The following TTC28 variants were observed in gnomAD, a reference collection of about 807,000 sequenced individuals.
TTC28 encodes the protein tetratricopeptide repeat domain 28, also known as tetratricopeptide repeat protein 28.
TTC28 carries 61 observed loss-of-function variants against 198.0 expected under a neutral mutation model. That is an observed-to-expected ratio of 0.31 (90% CI 0.25 to 0.38). TTC28 has a LOEUF of 0.38. TTC28 is among the 10% of genes least tolerant of loss of function. The probability of loss-of-function intolerance (pLI) is 1.00; values close to 1 mark genes in which losing one functional copy is unlikely to be tolerated. For missense variants in TTC28, 2,678 were observed against 3,164.0 expected, an observed-to-expected ratio of 0.85 and a Z score of 3.69; for synonymous variants, 1,171 against 1,297.8, an observed-to-expected ratio of 0.90 and a Z score of 2.10.
chr22:28,027,105 A>AAC (rs1472907423), intron 13 of TTC28, among the ~76,000 whole-genome samples: 1 of 151,826 alleles, frequency 6.6e-6, no homozygotes, highest in African/African-American at 2.4e-5. Context: ...ACCACACACA[A>AAC]ACACACACAC....
chr22:28,066,155 A>G (rs1253150792), intron 12 of TTC28, among the ~76,000 whole-genome samples: 2 of 152,238 alleles, frequency 1.3e-5, no homozygotes, highest in East Asian at 3.9e-4. Context: ...GGCATAATTA[A>G]CAAATAAAAA....
At chr22:28,369,543 C>T (rs911817297) in intron 2 of TTC28, among the ~76,000 whole-genome samples, 7 of 152,180 alleles carry the variant, frequency 4.6e-5, no homozygotes, top group Non-Finnish European at 1.5e-5. Context: ...TTCATACAAT[C>T]CACGTACTTC....
intron 2 of TTC28, among the ~76,000 whole-genome samples, chr22:28,483,887 TG>T (rs1352506764): frequency 1.3e-5 from 2 of 152,238 alleles, no homozygotes; most frequent in African/African-American, 4.8e-5. Context: ...TTACTTCCTC[TG>T]GATCTCAAAG....
At position 28,089,397 on chromosome 22, in the gene TTC28, A is replaced by C. The variant is rs528543166; in HGVS notation, c.3932+4683T>G. ...GATGAAATTGGAAATCATCATTCTC[A>C]GTAAACTATCGCAAGAACAAGAAAG... is the stretch of plus-strand genomic sequence containing the variant. On this transcript the variant is annotated intron_variant, in intron 12 of 22. Transcript: ENST00000397906. Among the ~76,000 whole-genome samples the C allele has an allele frequency of 9.2e-5, 14 of 151,944 alleles. 1 individual carries two copies. The highest frequency in any genetic ancestry group is 3.4e-4 in the African/African-American group (14 of 41,428).
chr22:28,412,582 T>C (rs1217304729), intron 2 of TTC28, among the ~76,000 whole-genome samples: 2 of 152,244 alleles, frequency 1.3e-5, no homozygotes, highest in African/African-American at 4.8e-5. Flanking sequence ...CTACCAGATA[T>C]GCCAGGTGTT....
Position 28,008,759 on chromosome 22 carries a change from G to A in TTC28, c.4218+5489C>T, listed in dbSNP as rs528709995. Among the ~76,000 whole-genome samples the A allele has an allele frequency of 3.2e-4, 48 of 152,276 alleles. 1 individual carries two copies. In the South Asian group the frequency reaches 9.1e-3, roughly 29 times the overall value. Reference sequence around the variant, plus strand: ...AGGGCCCAACTGAAAACTGAGGGGTGATTTGGGATCTGAGTGGACGAGTGG... The same window carrying A: ...AGGGCCCAACTGAAAACTGAGGGGTAATTTGGGATCTGAGTGGACGAGTGG... On this transcript the variant is annotated intron_variant, in intron 14 of 22. Coordinates refer to ENST00000397906, the MANE Select transcript of TTC28 (RefSeq NM_001145418.2).
In TTC28 at chr22:28,345,359, C is replaced by A. The variant is rs563949145; in HGVS notation, c.382-38716G>T. Among the ~76,000 whole-genome samples the A allele has an allele frequency of 1.1e-4, 17 of 152,252 alleles. No individual in the cohort carries two copies. The South Asian group carries it at 3.3e-3, about 30-fold the overall frequency. On this transcript the variant is annotated intron_variant, in intron 2 of 22. Coordinates refer to ENST00000397906, the MANE Select transcript of TTC28 (RefSeq NM_001145418.2). Reference sequence around the variant, plus strand: ...ACTGCTGCCAAAATGCTAATAATCACCCCCTAAAAATTCTTATACAGTGCA... The same window carrying A: ...ACTGCTGCCAAAATGCTAATAATCAACCCCTAAAAATTCTTATACAGTGCA...
intron 6 of TTC28, among the ~76,000 whole-genome samples, chr22:28,133,949 G>A (rs1256701809): frequency 6.6e-6 from 1 of 152,208 alleles, no homozygotes; most frequent in African/African-American, 2.4e-5. Context: ...GCCTAACTGG[G>A]AGGCACCCCC....
At chr22:28,279,775 T>C (rs2044548426) in intron 5 of TTC28, among the ~76,000 whole-genome samples, 1 of 152,214 alleles carries the variant, frequency 6.6e-6, no homozygotes, top group African/African-American at 2.4e-5. Context: ...CTCTTCCTAG[T>C]CAAACCTGTC....
chr22:28,342,457 T>TA (rs1030126953), intron 2 of TTC28, among the ~76,000 whole-genome samples: 16 of 152,180 alleles, frequency 1.1e-4, no homozygotes, highest in Admixed American at 1.0e-3. Flanking sequence ...CATTTTTGCT[T>TA]ATATGTTGCC....
In TTC28 at chr22:28,190,880, T is replaced by A. The variant is rs377641477; in HGVS notation, c.934-27281A>T. On this transcript the variant is annotated intron_variant, in intron 5 of 22. Coordinates refer to ENST00000397906, the MANE Select transcript of TTC28 (RefSeq NM_001145418.2). ...CTCTCCCACTCTGGGCCTCTTTTTCTCTCACCTGCATAACAGCCTCTACCC... is the reference window on the plus strand; with the variant it reads ...CTCTCCCACTCTGGGCCTCTTTTTCACTCACCTGCATAACAGCCTCTACCC... Among the ~76,000 whole-genome samples the A allele has an allele frequency of 3.9e-5, 6 of 152,280 alleles. No individual in the cohort carries two copies. The South Asian group carries it at 1.2e-3, about 32-fold the overall frequency.
In TTC28 at chr22:28,130,871, TA is replaced by T. The variant is rs531895381; in HGVS notation, c.1442-22469del. Among the ~76,000 whole-genome samples, 131 of 152,352 alleles carry T rather than the reference TA, an allele frequency of 8.6e-4. 1 individual carries two copies. Among genetic ancestry groups the T allele is most frequent in the African/African-American group, 2.9e-3 (121 of 41,588 alleles). ...TGTCACCAGAGAAGAGCAGACAGGA[TA>T]AAAATTAGTTTAGATACTTTTTTCC... On this transcript the variant is annotated intron_variant, in intron 6 of 22. Transcript: ENST00000397906.
At chr22:28,244,442 C>CAGA (rs1369912282) in intron 5 of TTC28, among the ~76,000 whole-genome samples, 1 of 152,114 alleles carries the variant, frequency 6.6e-6, no homozygotes, top group African/African-American at 2.4e-5. Context: ...ATTTTCTAAT[C>CAGA]AGAAGGTAGG....
At chr22:28,225,960 A>G (rs1873883110) in intron 5 of TTC28, among the ~76,000 whole-genome samples, 1 of 152,222 alleles carries the variant, frequency 6.6e-6, no homozygotes, top group South Asian at 2.1e-4. Context: ...TGTTACATGT[A>G]TCAGTAGTTT....
chr22:27,990,860 G>C (rs371359254), intron 19 of TTC28, 48 bp from the exon 20 acceptor site: 25 of 1,502,948 alleles, frequency 1.7e-5, no homozygotes, highest in Non-Finnish European at 2.0e-5. Context: ...AGAAAGAAGA[G>C]AGTTTAGACT....
chr22:28,377,690 T>C (rs1475310042), intron 2 of TTC28, among the ~76,000 whole-genome samples: 1 of 152,090 alleles, frequency 6.6e-6, no homozygotes, highest in Non-Finnish European at 1.5e-5. Flanking sequence ...TAAAAGCAAG[T>C]CTGAAAAGGA....
chr22:28,434,461 A>G (rs1601394176), intron 2 of TTC28, among the ~76,000 whole-genome samples: 1 of 152,182 alleles, frequency 6.6e-6, no homozygotes. Context: ...AGACAGGCGG[A>G]TCATTTGAGG....
intron 5 of TTC28, among the ~76,000 whole-genome samples, chr22:28,210,583 T>C (rs557015535): frequency 2.1e-4 from 32 of 151,954 alleles, no homozygotes; most frequent in South Asian, 1.9e-3. Flanking sequence ...AAGAGAAGTT[T>C]AGAGGAAAAA....
chr22:28,590,023 C>G (rs1374279230), intron 2 of TTC28, among the ~76,000 whole-genome samples: 1 of 61,704 alleles, frequency 1.6e-5, no homozygotes, highest in Non-Finnish European at 2.7e-5. Flanking sequence ...GGCAACAGAA[C>G]AAGACTCCAT....
Sources: allele counts gnomAD v4.1 joint callset (sites outside exome capture counted in the v4.1 genomes callset), GRCh38; gene constraint gnomAD v4.1.1; transcripts MANE v1.5; gene names NCBI Gene and HGNC (gene_info 2026-07-23, HGNC 2026-07-21).